The following CUL3 variants were observed in gnomAD, a reference collection of about 807,000 sequenced individuals.
The protein encoded by CUL3 is cullin-3.
In CUL3, 19 loss-of-function variants were observed where a neutral mutation model predicts 89.1. The observed-to-expected ratio is 0.21, with a 90% CI of 0.15 to 0.31. The LOEUF (loss-of-function observed/expected upper bound fraction) is 0.31, where lower values mean the gene tolerates loss of function less well. Ranked by LOEUF, CUL3 falls within the 10% of genes least tolerant of loss-of-function variation. The pLI, the probability that CUL3 is intolerant of heterozygous loss-of-function variation, is 1.00. For missense variants in CUL3, 469 were observed against 942.3 expected, an observed-to-expected ratio of 0.50 and a Z score of 6.58; for synonymous variants, 351 against 308.4, an observed-to-expected ratio of 1.14 and a Z score of -1.45.
intron 15 of CUL3, among the ~76,000 whole-genome samples, chr2:224,476,623 A>T (rs1475866077): frequency 6.6e-6 from 1 of 152,186 alleles, no homozygotes; most frequent in Non-Finnish European, 1.5e-5. Context: ...CTTGCTTAGC[A>T]CATACCCCTG....
At chr2:224,535,772 G>A (rs1004336876) in intron 2 of CUL3, 131 bp from the exon 3 acceptor site, 1 of 660,226 alleles carries the variant, frequency 1.5e-6, no homozygotes, top group African/African-American at 1.8e-5. Flanking sequence ...TTATAGGCTA[G>A]TAGAAATATT....
intron 3 of CUL3, among the ~76,000 whole-genome samples, chr2:224,516,643 G>A (rs1024967984): frequency 6.7e-6 from 1 of 149,916 alleles, no homozygotes; most frequent in South Asian, 2.1e-4. Flanking sequence ...GGCTAACACT[G>A]TTTTTTGTTT....
At chr2:224,510,238 C>A (rs1236975855) in intron 6 of CUL3, among the ~76,000 whole-genome samples, 1 of 104,472 alleles carries the variant, frequency 9.6e-6, no homozygotes. Context: ...TTTTTTTTGG[C>A]TTTTACAAAA....
At chr2:224,528,814 T>A (rs1693579781) in intron 3 of CUL3, among the ~76,000 whole-genome samples, 1 of 152,094 alleles carries the variant, frequency 6.6e-6, no homozygotes, top group South Asian at 2.1e-4. Flanking sequence ...TAATCTCCTT[T>A]CAGAATAATT....
chr2:224,584,092 C>T (rs1695508410), intron 1 of CUL3, among the ~76,000 whole-genome samples: 1 of 152,112 alleles, frequency 6.6e-6, no homozygotes, highest in Non-Finnish European at 1.5e-5. Context: ...AAGTTATATC[C>T]TATATACTAA....
intron 3 of CUL3, among the ~76,000 whole-genome samples, chr2:224,535,319 G>A (rs1253730494): frequency 6.6e-6 from 1 of 152,078 alleles, no homozygotes; most frequent in East Asian, 1.9e-4. Flanking sequence ...GATTACAGGT[G>A]CCCACCACTG....
chr2:224,493,347 G>A (rs924730024), intron 13 of CUL3, among the ~76,000 whole-genome samples: 10 of 152,136 alleles, frequency 6.6e-5, no homozygotes, highest in African/African-American at 2.2e-4. Context: ...AAAAAGGCTA[G>A]CTAATAAAAC....
At chr2:224,570,612 G>T (rs1695161560) in intron 1 of CUL3, among the ~76,000 whole-genome samples, 1 of 151,986 alleles carries the variant, frequency 6.6e-6, no homozygotes, top group Non-Finnish European at 1.5e-5. Context: ...TGGGAGTGGG[G>T]GAGTGCTGCC....
intron 5 of CUL3, among the ~76,000 whole-genome samples, chr2:224,512,093 CT>C (rs1427316517): frequency 7.0e-6 from 1 of 142,196 alleles, no homozygotes; most frequent in Non-Finnish European, 1.5e-5. Flanking sequence ...AACTATTCAT[CT>C]TTTTTTTCTT....
At chr2:224,529,599 G>C (rs1343979227) in intron 3 of CUL3, among the ~76,000 whole-genome samples, 1 of 151,522 alleles carries the variant, frequency 6.6e-6, no homozygotes, top group African/African-American at 2.4e-5. Flanking sequence ...ACTGTACTCC[G>C]AGACTCCCTC....
chr2:224,583,031 A>G (rs531361099), intron 1 of CUL3, among the ~76,000 whole-genome samples: 2 of 152,308 alleles, frequency 1.3e-5, no homozygotes, highest in South Asian at 4.1e-4. Context: ...TCTTATTTAG[A>G]ACATGAGACT....
intron 2 of CUL3, among the ~76,000 whole-genome samples, chr2:224,549,785 T>C (rs1372041470): frequency 1.3e-5 from 2 of 152,234 alleles, no homozygotes; most frequent in Admixed American, 6.5e-5. Context: ...TGCCCAAAAG[T>C]AGCAAAACTA....
rs926333413 is a variant in CUL3, at chr2:224,473,463, C to A, written c.*782G>T. 4.9e-5 allele frequency: 9 copies of A among 184,862 alleles called. No homozygotes were observed. The highest frequency in any genetic ancestry group is 2.3e-5 in the Non-Finnish European group (2 of 87,076). 11.5% of individuals were successfully genotyped at this position (184,862 alleles called of 1,614,324 possible). A position where few individuals can be genotyped will look rare whatever the true frequency, so the allele number is the denominator to read the frequency against. ...CAATAAATGAAATAAAAACACCACC[C>A]TATACAATCCACTATTAGCAGTGAG... On this transcript the variant is annotated 3_prime_UTR_variant, in exon 16 of 16. Transcript: ENST00000264414.
At chr2:224,584,287 C>CA (rs1574714351) in intron 1 of CUL3, among the ~76,000 whole-genome samples, 3 of 151,512 alleles carry the variant, frequency 2.0e-5, no homozygotes, top group South Asian at 2.1e-4. Flanking sequence ...GCTTCCCCCC[C>CA]ACCCGGCCTT....
intron 13 of CUL3, 80 bp from the exon 14 acceptor site, chr2:224,482,158 G>T: frequency 1.8e-6 from 2 of 1,098,986 alleles, no homozygotes; most frequent in South Asian, 1.6e-5. Flanking sequence ...TGACCAAGCA[G>T]TAGTTAAAAA....
At chr2:224,548,834 A>G (rs954505884) in intron 2 of CUL3, among the ~76,000 whole-genome samples, 69 of 152,012 alleles carry the variant, frequency 4.5e-4, no homozygotes, top group African/African-American at 1.6e-3. Context: ...CCTTGTTTCT[A>G]CAAAAAAATA....
chr2:224,554,714 C>T (rs1266549239), intron 2 of CUL3, among the ~76,000 whole-genome samples: 6 of 152,152 alleles, frequency 3.9e-5, no homozygotes, highest in African/African-American at 1.4e-4. Flanking sequence ...ACAGTAAATG[C>T]TAAATAAAAG....
intron 5 of CUL3, among the ~76,000 whole-genome samples, chr2:224,512,646 T>C (rs980735102): frequency 6.6e-6 from 1 of 152,214 alleles, no homozygotes; most frequent in African/African-American, 2.4e-5. Flanking sequence ...AATAGTACCA[T>C]TGGCCTGTAA....
chr2:224,481,838 T>C, intron 14 of CUL3, 54 bp downstream of exon 14: 1 of 1,258,722 alleles, frequency 7.9e-7, no homozygotes. Context: ...GAGATTTTTT[T>C]TCTAAAGAGA....
Sources: allele counts gnomAD v4.1 joint callset (sites outside exome capture counted in the v4.1 genomes callset), GRCh38; gene constraint gnomAD v4.1.1; transcripts MANE v1.5; gene names NCBI Gene and HGNC (gene_info 2026-07-23, HGNC 2026-07-21).